NAV1: variants seen among roughly 807,000 people sequenced by gnomAD.
The protein encoded by NAV1 is pore membrane and/or filament interacting like protein 3.
A neutral mutation model predicts 175.2 loss-of-function variants in NAV1; 18 were observed. That is an observed-to-expected ratio of 0.10 (90% CI 0.07 to 0.15). The LOEUF is 0.15. NAV1 is among the 10% of genes least tolerant of loss of function. NAV1 has a pLI of 1.00. For synonymous variants in NAV1, 897 were observed against 978.7 expected (o/e 0.92, Z 1.56); for missense variants, 1,731 against 2,436.6 (o/e 0.71, Z 6.10).
chr1:201,609,041 C>A (rs1021349696), intron 2 of NAV1, among the ~76,000 whole-genome samples: 2 of 152,192 alleles, frequency 1.3e-5, no homozygotes, highest in Non-Finnish European at 2.9e-5. Flanking sequence ...TTGCTTGCCC[C>A]GCTTTTCAGA....
intron 3 of NAV1, among the ~76,000 whole-genome samples, chr1:201,766,740 G>A (rs1241253216): frequency 1.3e-5 from 2 of 152,226 alleles, no homozygotes; most frequent in Middle Eastern, 3.4e-3. Context: ...TCTTTAAAGC[G>A]GACATTTCAT....
At chr1:201,708,856 A>G (rs1452411462) in intron 1 of NAV1, among the ~76,000 whole-genome samples, 2 of 152,056 alleles carry the variant, frequency 1.3e-5, no homozygotes, top group African/African-American at 4.8e-5. Context: ...TAGCCAATAA[A>G]ACAAGCCATT....
intron 1 of NAV1, among the ~76,000 whole-genome samples, chr1:201,548,465 A>T (rs1369670312): frequency 6.6e-6 from 1 of 152,192 alleles, no homozygotes; most frequent in Non-Finnish European, 1.5e-5. Context: ...ATATAGGAGG[A>T]TCGATCACTT....
intron 2 of NAV1, among the ~76,000 whole-genome samples, chr1:201,642,557 T>TTTCTTTCTTTTCTTTCTTTCTTTCTTTC (rs1571858664): frequency 9.4e-6 from 1 of 106,018 alleles, no homozygotes; most frequent in Admixed American, 9.5e-5. Flanking sequence ...TTCTTTCTTT[T>TTTCTTTCTTTTCTTTCTTTCTTTCTTTC]TTCCCTTTCT....
chr1:201,799,309 G>A (rs1174138802), intron 15 of NAV1, among the ~76,000 whole-genome samples: 1 of 152,138 alleles, frequency 6.6e-6, no homozygotes, highest in Non-Finnish European at 1.5e-5. Context: ...TTTGCTGAAT[G>A]AATGAATTGT....
At chr1:201,765,863 A>G (rs1321304650) in intron 3 of NAV1, among the ~76,000 whole-genome samples, 1 of 152,228 alleles carries the variant, frequency 6.6e-6, no homozygotes, top group East Asian at 1.9e-4. Context: ...ACCAGTCTGT[A>G]GGATTTAAAT....
At chr1:201,714,303 G>A (rs1486314698) in intron 2 of NAV1, among the ~76,000 whole-genome samples, 2 of 152,230 alleles carry the variant, frequency 1.3e-5, no homozygotes, top group East Asian at 3.8e-4. Context: ...TTCAGCCGTT[G>A]GCTGTAGTTC....
At chr1:201,645,836 G>A (rs771233647), upstream of NAV1, among the ~76,000 whole-genome samples, 5 of 152,234 alleles carry the variant, frequency 3.3e-5, no homozygotes, top group Non-Finnish European at 7.3e-5. Context: ...GAGAATAGGT[G>A]TTGTCGGATT....
intron 17 of NAV1, 27 bp downstream of exon 21, chr1:201,804,524 A>C: frequency 6.8e-7 from 1 of 1,480,992 alleles, no homozygotes; most frequent in Non-Finnish European, 9.0e-7. Context: ...CTATCCCCTT[A>C]TTTTCTCTTT....
chr1:201,758,669 A>T (rs999025945), intron 3 of NAV1, among the ~76,000 whole-genome samples: 9 of 152,172 alleles, frequency 5.9e-5, no homozygotes, highest in Admixed American at 5.2e-4. Context: ...TGCATAAGTG[A>T]TCTTCACCCT....
At chr1:201,794,440 C>T (rs1677309206) in intron 14 of NAV1, 26 bp from the exon 19 acceptor site, 1 of 1,603,088 alleles carries the variant, frequency 6.2e-7, no homozygotes, top group South Asian at 1.1e-5. Context: ...CGTGCCCAGC[C>T]AACGCTATTT....
chr1:201,585,340 T>A (rs1666992317), intron 1 of NAV1, among the ~76,000 whole-genome samples: 1 of 152,190 alleles, frequency 6.6e-6, no homozygotes, highest in African/African-American at 2.4e-5. Context: ...GTTTCTGTGG[T>A]CAGCTAAGTT....
intron 1 of NAV1, among the ~76,000 whole-genome samples, chr1:201,587,048 A>C (rs1667050752): frequency 6.6e-6 from 1 of 151,958 alleles, no homozygotes; most frequent in Admixed American, 6.6e-5. Context: ...TCATCTCTAC[A>C]AAAAATACAA....
At chr1:201,642,976 G>T (rs565249351) in intron 2 of NAV1, among the ~76,000 whole-genome samples, 1 of 150,758 alleles carries the variant, frequency 6.6e-6, no homozygotes, top group African/African-American at 2.5e-5. Context: ...GGGTTTCACC[G>T]TGTTAGCCAG....
chr1:201,578,931 G>A (rs1463317676), intron 1 of NAV1, among the ~76,000 whole-genome samples: 12 of 151,964 alleles, frequency 7.9e-5, no homozygotes, highest in Admixed American at 7.9e-4. Context: ...TCAGGAGCTC[G>A]AGACCAGCCT....
intron 3 of NAV1, among the ~76,000 whole-genome samples, chr1:201,725,617 C>G (rs558397061): frequency 1.3e-5 from 2 of 149,210 alleles, no homozygotes; most frequent in East Asian, 2.0e-4. Context: ...CCACTGCACT[C>G]CAGCCCGGGT....
intron 1 of NAV1, among the ~76,000 whole-genome samples, chr1:201,559,784 TG>T (rs1344365016): frequency 2.6e-5 from 4 of 152,184 alleles, no homozygotes; most frequent in Admixed American, 2.6e-4. Flanking sequence ...AGGAAGAATC[TG>T]GTTCGGCCTT....
exon 1 of NAV1, chr1:201,648,342 C>A (rs1168153703): frequency 8.5e-7 from 1 of 1,182,304 alleles, no homozygotes; most frequent in Non-Finnish European, 1.0e-6. Flanking sequence ...GGCTTCCATC[C>A]TTCCTTTGAC....
chr1:201,780,184 G>A (rs1223728966), intron 3 of NAV1, among the ~76,000 whole-genome samples: 3 of 152,052 alleles, frequency 2.0e-5, no homozygotes, highest in African/African-American at 4.8e-5. Flanking sequence ...AAGATACAAC[G>A]TTTTCTCTTG....
Sources: gnomAD v4.1 joint callset for allele counts (sites outside exome capture counted in the v4.1 genomes callset) on GRCh38, gnomAD v4.1.1 for gene constraint, MANE v1.5 for transcripts, NCBI Gene and HGNC (gene_info 2026-07-23, HGNC 2026-07-21) for gene names.